Variants in EAPP observed in about 807,000 individuals in gnomAD.
EAPP encodes the protein E2F-associated phosphoprotein.
Under a neutral mutation model 34.3 loss-of-function variants are expected in EAPP, and 38 were observed. The observed-to-expected ratio is 1.11, with a 90% CI of 0.85 to 1.45. EAPP has a LOEUF of 1.45. Ranked by LOEUF, EAPP falls within the 40% of genes most tolerant of loss-of-function variation. The pLI, the probability that EAPP is intolerant of heterozygous loss-of-function variation, is 0.00. For missense variants in EAPP, 338 were observed against 343.7 expected (o/e 0.98, Z 0.13); for synonymous variants, 113 against 117.6 (o/e 0.96, Z 0.25).
intron 5 of EAPP, among the ~76,000 whole-genome samples, chr14:34,519,287 C>T (rs749196064): frequency 1.3e-5 from 2 of 152,176 alleles, no homozygotes; most frequent in African/African-American, 4.8e-5. Flanking sequence ...GTAATCCCAG[C>T]ACTTTGGGAG....
intron 5 of EAPP, among the ~76,000 whole-genome samples, chr14:34,518,325 ATTTTTTTT>A (rs71404852): frequency 5.0e-4 from 37 of 74,068 alleles, no homozygotes; most frequent in East Asian, 2.9e-3. Context: ...CTCCCTTTAG[ATTTTTTTT>A]TTTTTTTTTT....
intron 2 of EAPP, among the ~76,000 whole-genome samples, chr14:34,535,097 A>G (rs527473520): frequency 4.0e-4 from 60 of 149,724 alleles, no homozygotes; most frequent in Middle Eastern, 7.2e-3. Context: ...CGGCCTCCCA[A>G]AGTGCTGGGA....
chr14:34,531,266 C>T (rs1285442618), intron 3 of EAPP, among the ~76,000 whole-genome samples: 1 of 151,708 alleles, frequency 6.6e-6, no homozygotes, highest in African/African-American at 2.4e-5. Flanking sequence ...GACTGTGTCA[C>T]CGCACTCCAG....
intron 5 of EAPP, among the ~76,000 whole-genome samples, chr14:34,518,172 G>A (rs1237513304): frequency 6.6e-6 from 1 of 151,938 alleles, no homozygotes; most frequent in Non-Finnish European, 1.5e-5. Context: ...GTAAATGTCA[G>A]TTAGGCTTCT....
At chr14:34,525,970 A>C (rs1196667611) in intron 4 of EAPP, among the ~76,000 whole-genome samples, 1 of 152,110 alleles carries the variant, frequency 6.6e-6, no homozygotes, top group African/African-American at 2.4e-5. Context: ...CAGTGAGCCG[A>C]GATCACGCCA....
At chr14:34,535,993 G>T in intron 2 of EAPP, 101 bp downstream of exon 2, 1 of 742,428 alleles carries the variant, frequency 1.3e-6, no homozygotes, top group South Asian at 1.8e-5. Flanking sequence ...AATATTTATT[G>T]AGCACCTACT....
intron 5 of EAPP, among the ~76,000 whole-genome samples, chr14:34,522,203 TC>T (rs1879940882): frequency 6.6e-6 from 1 of 151,820 alleles, no homozygotes; most frequent in African/African-American, 2.4e-5. Flanking sequence ...CAAGCCATCC[TC>T]CCAGCTTGGC....
intron 2 of EAPP, among the ~76,000 whole-genome samples, chr14:34,535,090 C>A (rs1441709942): frequency 1.3e-5 from 2 of 151,514 alleles, no homozygotes; most frequent in Non-Finnish European, 2.9e-5. Flanking sequence ...ACTGCCTCGG[C>A]CTCCCAAAGT....
chr14:34,536,346 C>T, intron 1 of EAPP, 71 bp from the exon 2 acceptor site: 1 of 1,191,220 alleles, frequency 8.4e-7, no homozygotes, highest in African/African-American at 1.5e-5. Flanking sequence ...CCCAGCATCT[C>T]ACTGTCCAAC....
At chr14:34,519,837 T>G (rs1021879793) in intron 5 of EAPP, among the ~76,000 whole-genome samples, 4 of 134,378 alleles carry the variant, frequency 3.0e-5, no homozygotes, top group Admixed American at 2.9e-4. Flanking sequence ...ATGGTTATCA[T>G]GAAATCACAA....
At chr14:34,533,149 C>T (rs1669144566) in intron 3 of EAPP, among the ~76,000 whole-genome samples, 1 of 152,188 alleles carries the variant, frequency 6.6e-6, no homozygotes, top group African/African-American at 2.4e-5. Flanking sequence ...ATTCTCTTGC[C>T]TCAGCCTCCC....
intron 3 of EAPP, among the ~76,000 whole-genome samples, chr14:34,532,103 GAA>G (rs1477174927): frequency 2.0e-5 from 3 of 150,842 alleles, no homozygotes; most frequent in African/African-American, 7.3e-5. Context: ...AAGAAAGAAA[GAA>G]AGAAAAATTC....
chr14:34,523,375 C>T (rs1211525840), intron 5 of EAPP, among the ~76,000 whole-genome samples: 2 of 151,642 alleles, frequency 1.3e-5, no homozygotes, highest in Non-Finnish European at 2.9e-5. Flanking sequence ...GTAGCTGGGA[C>T]TACAGGCGCC....
At position 34,529,474 on chromosome 14, in the gene EAPP, T is replaced by C. The variant is rs1324541298; in HGVS notation, c.354A>G (p.Val118=). 1 of 1,600,116 alleles carries C rather than the reference T, an allele frequency of 6.2e-7. No homozygotes were observed. The highest frequency in any genetic ancestry group is 8.5e-7 in the Non-Finnish European group (1 of 1,170,812). ...DSDSEDEDRA[V]QVTKKKKKKQ... ...TCTTCTTTTTTTTCTTGGTCACCTG[T>C]ACTAATTTTGAAAATATTAGGATAT... The change falls in exon 4 of 6, where the codon GTA becomes GTG. Residue 118 remains valine (V), a splice_region_variant and synonymous_variant. Transcript: ENST00000250454.
At chr14:34,532,212 C>T (rs935843143) in intron 3 of EAPP, among the ~76,000 whole-genome samples, 4 of 151,632 alleles carry the variant, frequency 2.6e-5, no homozygotes, top group African/African-American at 9.7e-5. Flanking sequence ...AATCCCGGCA[C>T]TTTGGGAGGC....
chr14:34,530,530 A>G (rs1052712595), intron 3 of EAPP, among the ~76,000 whole-genome samples: 2 of 152,086 alleles, frequency 1.3e-5, no homozygotes, highest in Non-Finnish European at 2.9e-5. Context: ...CTATCTCTAA[A>G]AAAGTAAAAA....
At position 34,516,604 on chromosome 14, in the gene EAPP, T is replaced by G. The variant is rs372352747; in HGVS notation, c.582-18A>C. The G allele has an allele frequency of 2.5e-6, 4 of 1,592,822 alleles. 1 individual carries two copies. In the South Asian group the frequency reaches 4.6e-5, roughly 18 times the overall value. On this transcript the variant is annotated intron_variant, in intron 5 of 5. Transcript: ENST00000250454. ...ATTCATGCCTAAGAGAAAAATGAAA[T>G]GGAGAATTGGGGTTTATGTTCTATG...
chr14:34,526,105 A>T (rs1335876005), intron 4 of EAPP, among the ~76,000 whole-genome samples: 1 of 151,808 alleles, frequency 6.6e-6, no homozygotes, highest in African/African-American at 2.4e-5. Flanking sequence ...AAAGTCCATG[A>T]ATTTTTTAAA....
chr14:34,538,757 T>G (rs1472262762), intron 1 of EAPP, among the ~76,000 whole-genome samples: 1 of 152,222 alleles, frequency 6.6e-6, no homozygotes, highest in African/African-American at 2.4e-5. Context: ...AAAGCTTCTT[T>G]AGGCAGAATG....
Sources: allele counts gnomAD v4.1 joint callset (sites outside exome capture counted in the v4.1 genomes callset), GRCh38; gene constraint gnomAD v4.1.1; transcripts MANE v1.5; gene names NCBI Gene and HGNC (gene_info 2026-07-23, HGNC 2026-07-21).